Variants in ZNF101 observed in about 807,000 individuals in gnomAD.
The protein encoded by ZNF101 is zinc finger protein 101, also known as zinc finger protein 101 (Y2).
A neutral mutation model predicts 42.6 loss-of-function variants in ZNF101; 34 were observed. The ratio of observed to expected loss-of-function variants is 0.80; its 90% CI spans 0.61 to 1.06. ZNF101 has a LOEUF of 1.06. Among genes scored for constraint, ZNF101 ranks in the 50% least tolerant of loss-of-function variants. The probability of loss-of-function intolerance (pLI) is 0.00; values close to 1 mark genes in which losing one functional copy is unlikely to be tolerated. For missense variants in ZNF101, 466 were observed against 530.9 expected, an observed-to-expected ratio of 0.88 and a Z score of 1.20; for synonymous variants, 158 against 183.9, an observed-to-expected ratio of 0.86 and a Z score of 1.14.
In ZNF101 at chr19:19,683,008, A is replaced by G. The variant is rs971205148; in HGVS notation, c.*2708A>G. ...TTTAGTAGAGACGGGGTTTCATTGTACTGGCCAGGATGGTCTTGATTTCCT... is the reference window on the plus strand; with the variant it reads ...TTTAGTAGAGACGGGGTTTCATTGTGCTGGCCAGGATGGTCTTGATTTCCT... On this transcript the variant is annotated 3_prime_UTR_variant, in exon 4 of 4. Transcript: ENST00000592502. 2.0e-5 allele frequency: 3 copies of G among 151,972 alleles called. No individual in the cohort carries two copies. Among genetic ancestry groups the G allele is most frequent in the Non-Finnish European group, 4.4e-5 (3 of 68,006 alleles). The allele number at this position is 151,972 out of a possible 1,614,324, so 9.4% of individuals were successfully genotyped here.
intron 3 of ZNF101, 112 bp from the exon 4 acceptor site, chr19:19,679,069 G>A: frequency 6.7e-7 from 1 of 1,483,344 alleles, no homozygotes; most frequent in Non-Finnish European, 9.0e-7. Context: ...TGACCCAGGA[G>A]AAAACCTCCA....
At chr19:19,668,462 G>T (rs2062145878), upstream of ZNF101, among the ~76,000 whole-genome samples, 1 of 152,110 alleles carries the variant, frequency 6.6e-6, no homozygotes, top group South Asian at 2.1e-4. Flanking sequence ...TTACTGGAAG[G>T]GTCAGTGGGG....
At chr19:19,673,688 T>C (rs1467610819) in intron 1 of ZNF101, among the ~76,000 whole-genome samples, 1 of 77,944 alleles carries the variant, frequency 1.3e-5, no homozygotes, top group Non-Finnish European at 2.7e-5. Flanking sequence ...CGTTCAATTC[T>C]TTTTTTTTTT....
rs1568439378 is a variant in ZNF101 at position 19,679,925 on chromosome 19, T to G, written c.936T>G (p.Cys312Trp). The G allele has an allele frequency of 6.2e-7, 1 of 1,614,070 alleles. No individual in the cohort carries two copies. Reference protein sequence around the residue: ...RTHSGGKLYECQKCAKVFRCP... With the variant: ...RTHSGGKLYEWQKCAKVFRCP... Reference sequence around the variant, plus strand: ...ATAGTGGAGGAAAACTCTACGAATGTCAAAAATGTGCCAAAGTCTTTAGAT... The same window carrying G: ...ATAGTGGAGGAAAACTCTACGAATGGCAAAAATGTGCCAAAGTCTTTAGAT... The change falls in exon 4 of 4, where the codon TGT becomes TGG. Residue 312 changes from cysteine (C) to tryptophan (W), a missense_variant. Transcript: ENST00000592502.
chr19:19,677,636 C>T (rs1277175052), intron 1 of ZNF101: 1 of 519,348 alleles, frequency 1.9e-6, no homozygotes. Flanking sequence ...CTCCCTGGAC[C>T]CACCACAGAG....
At chr19:19,678,623 A>G in intron 2 of ZNF101, 103 bp from the exon 3 acceptor site, 1 of 1,054,338 alleles carries the variant, frequency 9.5e-7, no homozygotes. Context: ...TCCAAAAAAA[A>G]AAAAAAATCA....
At chr19:19,669,628 G>C (rs1463899218) in intron 1 of ZNF101, among the ~76,000 whole-genome samples, 1 of 152,100 alleles carries the variant, frequency 6.6e-6, no homozygotes, top group Non-Finnish European at 1.5e-5. Context: ...TGAGTAGCTG[G>C]AATTACAGGT....
chr19:19,672,075 A>ATG (rs772678784), intron 1 of ZNF101: 5 of 141,496 alleles, frequency 3.5e-5, no homozygotes, highest in African/African-American at 1.2e-4. Flanking sequence ...GTGTGTGTGT[A>ATG]TATATATATA....
Position 19,677,948 on chromosome 19 carries a change from A to G in ZNF101, c.88A>G (p.Arg30Gly). ...GAGTCCTTCCCAGAAGAATCTCTAC[A>G]GAGATGTGACGCTGGAAACCTTCAG... is the stretch of plus-strand genomic sequence containing the variant. ...LLSPSQKNLYRDVTLETFRNL... is the reference protein window; with the variant it reads ...LLSPSQKNLYGDVTLETFRNL... The change falls in exon 2 of 4, where the codon AGA becomes GGA. Residue 30 changes from arginine (R) to glycine (G), a missense_variant. Arg to Gly is a moderately radical substitution (Grantham distance 125). Transcript: ENST00000592502. The G allele has an allele frequency of 6.2e-7, 1 of 1,612,544 alleles. No homozygotes were observed. The highest frequency in any genetic ancestry group is 8.5e-7 in the Non-Finnish European group (1 of 1,179,040).
At chr19:19,675,881 C>T (rs1011511312) in intron 1 of ZNF101, among the ~76,000 whole-genome samples, 1 of 152,028 alleles carries the variant, frequency 6.6e-6, no homozygotes, top group Admixed American at 6.6e-5. Context: ...TGGTGGTGCC[C>T]ACCTGTAGTA....
chr19:19,675,206 C>T (rs1216808948), intron 1 of ZNF101, among the ~76,000 whole-genome samples: 2 of 151,992 alleles, frequency 1.3e-5, no homozygotes, highest in Admixed American at 6.6e-5. Context: ...GGCATGATCT[C>T]GGCTCACTGC....
At position 19,678,708 on chromosome 19, in the gene ZNF101, T is replaced by G. The variant is rs2062218084; in HGVS notation, c.131-18T>G. The stretch of plus-strand genomic sequence containing the variant: ...ATTTTAAATAATTCATAATAATTTC[T>G]CTGGGTCTACATTTTAGGAATCCAA... On this transcript the variant is annotated intron_variant, in intron 2 of 3. Transcript: ENST00000592502. The G allele has an allele frequency of 6.3e-7, 1 of 1,583,796 alleles. No homozygotes were observed. Among genetic ancestry groups the G allele is most frequent in the Non-Finnish European group, 8.6e-7 (1 of 1,166,004 alleles).
chr19:19,676,037 G>A (rs559203947), intron 1 of ZNF101: 1 of 151,968 alleles, frequency 6.6e-6, no homozygotes, highest in African/African-American at 2.4e-5. Flanking sequence ...TTTATTTGGA[G>A]ACAAAGTGTC....
In ZNF101 at chr19:19,681,514, G is replaced by T. The variant is rs1191173472; in HGVS notation, c.*1214G>T. The T allele has an allele frequency of 6.6e-6, 1 of 152,360 alleles. No individual in the cohort carries two copies. The highest frequency in any genetic ancestry group is 1.5e-5 in the Non-Finnish European group (1 of 68,046). The allele number at this position is 152,360 out of a possible 1,614,324, so 9.4% of individuals were successfully genotyped here. ...CCCTGTAATCCCAGCATTTTGGGAG[G>T]CTGGGGTGGGTAGATTGCTTGAGGC... On this transcript the variant is annotated 3_prime_UTR_variant, in exon 4 of 4. Coordinates refer to ENST00000592502, the MANE Select transcript of ZNF101 (RefSeq NM_033204.4).
At chr19:19,679,039 C>A in intron 3 of ZNF101, 142 bp from the exon 4 acceptor site, 1 of 1,382,508 alleles carries the variant, frequency 7.2e-7, no homozygotes. Context: ...ATCATCAATA[C>A]ACTTCCTTTC....
chr19:19,672,374 C>T (rs1007673015), intron 1 of ZNF101: 2 of 151,784 alleles, frequency 1.3e-5, no homozygotes, highest in African/African-American at 4.8e-5. Flanking sequence ...CTCCACCACA[C>T]CTAGCTAATT....
intron 1 of ZNF101, among the ~76,000 whole-genome samples, chr19:19,674,236 G>A (rs1315392479): frequency 6.6e-6 from 1 of 152,078 alleles, no homozygotes; most frequent in Non-Finnish European, 1.5e-5. Flanking sequence ...GAGTACAATG[G>A]TGTGATCTCA....
chr19:19,673,263 T>C (rs1192956109), intron 1 of ZNF101, among the ~76,000 whole-genome samples: 1 of 150,158 alleles, frequency 6.7e-6, no homozygotes, highest in East Asian at 1.9e-4. Flanking sequence ...TTTTTTTTTT[T>C]TTTTGAATTG....
upstream of ZNF101, chr19:19,668,807 C>A (rs79881267): frequency 1.2e-3 from 1,136 of 934,034 alleles, 19 homozygotes; most frequent in African/African-American, 0.018. Context: ...ACTTCCAAAG[C>A]CCGAAGCGGT....
Sources: gnomAD v4.1 joint callset for allele counts (sites outside exome capture counted in the v4.1 genomes callset) on GRCh38, gnomAD v4.1.1 for gene constraint, MANE v1.5 for transcripts, NCBI Gene and HGNC (gene_info 2026-07-23, HGNC 2026-07-21) for gene names.